SCN7A: variants seen among roughly 807,000 people sequenced by gnomAD.
SCN7A encodes the protein sodium channel protein type 7 subunit alpha.
SCN7A carries 138 observed loss-of-function variants against 155.2 expected under a neutral mutation model. The ratio of observed to expected loss-of-function variants is 0.89; its 90% confidence interval spans 0.77 to 1.02. SCN7A has a LOEUF of 1.02. Among genes scored for constraint, SCN7A ranks in the 50% least tolerant of loss-of-function variants. The pLI, the probability that SCN7A is intolerant of heterozygous loss-of-function variation, is 0.00. For missense variants in SCN7A, 2,058 were observed against 1,986.6 expected (o/e 1.04, Z -0.68); for synonymous variants, 693 against 649.0 (o/e 1.07, Z -1.03).
chr2:166,421,259 T>C lies in SCN7A; in HGVS notation c.3066A>G (p.Glu1022=), dbSNP rs1701504204. 6.5e-7 allele frequency: 1 copy of C among 1,535,766 alleles called. No individual in the cohort carries two copies. The highest frequency in any genetic ancestry group is 1.3e-5 in the South Asian group (1 of 79,678). ...CLSLIGKTRE[E]LKPLISMKFL... is the part of the protein sequence containing the mutation. Reference sequence around the variant, plus strand: ...ATTTCATGGAAATAAGAGGTTTTAGTTCTTCCCGAGTTTTGCCTATTAAGC... The same window carrying C: ...ATTTCATGGAAATAAGAGGTTTTAGCTCTTCCCGAGTTTTGCCTATTAAGC... Residue 1022 remains glutamate, a synonymous_variant, in exon 20 of 26, where the codon GAA becomes GAG. Coordinates refer to ENST00000643258, the MANE Select transcript of SCN7A (RefSeq NM_002976.4).
In SCN7A at chr2:166,406,448, T is replaced by A. The variant is rs370288084; in HGVS notation, c.4181A>T (p.Tyr1394Phe). The change falls in exon 26 of 26, where the codon TAT becomes TTT. Residue 1394 changes from tyrosine (Y) to phenylalanine (F), a missense_variant. Physicochemically the swap from Tyr to Phe is conservative, Grantham distance 22. Transcript: ENST00000643258. ...ILLIFLVMFI[Y>F]AVFGMYNFAY... Reference sequence around the variant, plus strand: ...AAAATTATACATTCCAAATACGGCATAGATGAACATGACCAGGAAGATGAG... The same window carrying A: ...AAAATTATACATTCCAAATACGGCAAAGATGAACATGACCAGGAAGATGAG... 1 of 1,612,806 alleles carries A rather than the reference T, an allele frequency of 6.2e-7. No homozygotes were observed. The highest frequency in any genetic ancestry group is 1.3e-5 in the African/African-American group (1 of 74,818).
chr2:166,482,375 T>C (rs1702948918), intron 2 of SCN7A, among the ~76,000 whole-genome samples: 1 of 152,090 alleles, frequency 6.6e-6, no homozygotes, highest in Non-Finnish European at 1.5e-5. Context: ...TGCTAGCCTG[T>C]CTTCCTATTG....
chr2:166,461,178 T>C (rs1702400261), intron 10 of SCN7A, among the ~76,000 whole-genome samples: 1 of 151,348 alleles, frequency 6.6e-6, no homozygotes, highest in African/African-American at 2.4e-5. Context: ...TATTAGCCTA[T>C]CATCATTAAT....
chr2:166,429,102 A>G lies in SCN7A; in HGVS notation c.2698+67T>C, dbSNP rs532285344. 1.4e-5 allele frequency: 12 copies of G among 829,132 alleles called. No homozygotes were observed. In the African/African-American group the frequency reaches 1.9e-4, roughly 13 times the overall value. 51.4% of individuals were successfully genotyped at this position (829,132 alleles called of 1,614,324 possible). A position where few individuals can be genotyped will look rare whatever the true frequency, so the allele number is the denominator to read the frequency against. On this transcript the variant is annotated intron_variant, in intron 17 of 25. Coordinates refer to ENST00000643258, the MANE Select transcript of SCN7A (RefSeq NM_002976.4). Reference sequence around the variant, plus strand: ...CAATTGACTGACATACTGGATATGGAACATATACATTTTGACAACTTATAA... The same window carrying G: ...CAATTGACTGACATACTGGATATGGGACATATACATTTTGACAACTTATAA...
chr2:166,486,324 C>G (rs116572967), intron 2 of SCN7A, among the ~76,000 whole-genome samples: 39 of 152,242 alleles, frequency 2.6e-4, no homozygotes, highest in African/African-American at 9.1e-4. Flanking sequence ...GAACCAGTGT[C>G]ATATAAGGTC....
chr2:166,455,555 G>A (rs1202442701), intron 11 of SCN7A, among the ~76,000 whole-genome samples: 1 of 152,116 alleles, frequency 6.6e-6, no homozygotes, highest in Non-Finnish European at 1.5e-5. Context: ...AGGGGGAAGA[G>A]AAGGGGAAGG....
Position 166,456,949 on chromosome 2 carries a change from A to T in SCN7A, c.1211T>A (p.Val404Asp), listed in dbSNP as rs747386716. ...AMAYEEEKQR[V>D]GEISKKIEPK... is the part of the protein sequence containing the mutation. Reference sequence around the variant, plus strand: ...TTCAATCTTCTTAGATATTTCACCAACTCTCTGCTTTTCTTCTTCATAGGC... The same window carrying T: ...TTCAATCTTCTTAGATATTTCACCATCTCTCTGCTTTTCTTCTTCATAGGC... Residue 404 changes from valine to aspartate, a missense_variant, in exon 11 of 26, where the codon GTT becomes GAT. Val to Asp is a radical substitution (Grantham distance 152). Transcript: ENST00000643258. The T allele has an allele frequency of 4.4e-6, 7 of 1,589,186 alleles. No homozygotes were observed. In the African/African-American group the frequency reaches 8.1e-5, roughly 18 times the overall value.
chr2:166,416,001 T>C (rs1209121286), intron 21 of SCN7A, among the ~76,000 whole-genome samples: 1 of 152,050 alleles, frequency 6.6e-6, no homozygotes. Context: ...AATATTGATA[T>C]TAATACTCTG....
At chr2:166,416,228 G>A (rs1270444969) in intron 21 of SCN7A, among the ~76,000 whole-genome samples, 1 of 152,058 alleles carries the variant, frequency 6.6e-6, no homozygotes, top group Non-Finnish European at 1.5e-5. Flanking sequence ...GACAATATGT[G>A]CACCACTGAA....
chr2:166,477,431 A>G (rs1702822023), intron 3 of SCN7A, 32 bp downstream of exon 3: 1 of 1,253,228 alleles, frequency 8.0e-7, no homozygotes, highest in African/African-American at 1.5e-5. Context: ...AATAATAAAA[A>G]TGTCATCAAA....
At chr2:166,445,937 T>C (rs542827789) in intron 12 of SCN7A, among the ~76,000 whole-genome samples, 5 of 152,230 alleles carry the variant, frequency 3.3e-5, no homozygotes, top group African/African-American at 1.2e-4. Context: ...GAAGAAAACC[T>C]AGGCAATACG....
intron 23 of SCN7A, 124 bp from the exon 24 acceptor site, chr2:166,410,448 G>A (rs1297091295): frequency 4.8e-6 from 3 of 629,770 alleles, no homozygotes; most frequent in Admixed American, 3.3e-5. Context: ...CTTAAGTGCA[G>A]TGAATGAAAT....
chr2:166,484,409 A>G (rs2105530490), intron 2 of SCN7A, among the ~76,000 whole-genome samples: 1 of 151,930 alleles, frequency 6.6e-6, no homozygotes, highest in South Asian at 2.1e-4. Context: ...GAGTGTGTAT[A>G]TAAATGTATA....
intron 16 of SCN7A, among the ~76,000 whole-genome samples, chr2:166,430,888 T>A (rs1031459371): frequency 4.3e-4 from 65 of 152,154 alleles, no homozygotes; most frequent in African/African-American, 1.5e-3. Context: ...TAAGTAGTCA[T>A]GGGCTACATA....
intron 18 of SCN7A, among the ~76,000 whole-genome samples, chr2:166,424,981 G>C (rs1701590918): frequency 6.6e-6 from 1 of 152,064 alleles, no homozygotes; most frequent in Admixed American, 6.6e-5. Context: ...AACTGCCTCT[G>C]CTAAACAAGA....
At position 166,423,368 on chromosome 2, in the gene SCN7A, A is replaced by G; in HGVS notation, c.2918T>C (p.Met973Thr). ...TIKILLEYAD[M>T]IFTYIFILEM... is the part of the protein sequence containing the mutation. ...CAGAATGAAGATATAAGTAAAGATC[A>G]TGTCAGCATATTCTAATAAAATTTT... The change falls in exon 19 of 26, where the codon ATG (methionine) becomes ACG (threonine). Residue 973 changes from methionine (M) to threonine (T), a missense_variant. By Grantham distance (81) the Met-to-Thr change is moderately conservative. Transcript: ENST00000643258. 1.2e-6 allele frequency: 2 copies of G among 1,610,330 alleles called. No individual in the cohort carries two copies. The highest frequency in any genetic ancestry group is 1.7e-6 in the Non-Finnish European group (2 of 1,178,400).
intron 12 of SCN7A, among the ~76,000 whole-genome samples, chr2:166,445,353 AGAAGGAAG>A (rs557458206): frequency 1.4e-5 from 2 of 138,622 alleles, no homozygotes; most frequent in Non-Finnish European, 3.1e-5. Flanking sequence ...AAGGAAGGAA[AGAAGGAAG>A]GAAGGAAGGA....
chr2:166,478,113 C>T (rs919519391), intron 2 of SCN7A, among the ~76,000 whole-genome samples: 1 of 151,746 alleles, frequency 6.6e-6, no homozygotes, highest in Non-Finnish European at 1.5e-5. Context: ...ATTGGCCCTG[C>T]ACCCTACTCT....
At chr2:166,419,666 C>T (rs1230718133) in intron 20 of SCN7A, among the ~76,000 whole-genome samples, 1 of 152,082 alleles carries the variant, frequency 6.6e-6, no homozygotes, top group African/African-American at 2.4e-5. Context: ...CGTGCCTAGG[C>T]TGTTTTGTCA....
Sources: allele counts gnomAD v4.1 joint callset (sites outside exome capture counted in the v4.1 genomes callset), GRCh38; gene constraint gnomAD v4.1.1; transcripts MANE v1.5; gene names NCBI Gene and HGNC (gene_info 2026-07-23, HGNC 2026-07-21).